The following SMG1 variants were observed in gnomAD, a reference collection of about 807,000 sequenced individuals.
SMG1 encodes the protein serine/threonine-protein kinase SMG1.
Under a neutral mutation model 419.9 loss-of-function variants are expected in SMG1, and 22 were observed. The ratio of observed to expected loss-of-function variants is 0.05; its 90% CI spans 0.04 to 0.07. The LOEUF (loss-of-function observed/expected upper bound fraction) is 0.07. SMG1 is among the 10% of genes least tolerant of loss of function. SMG1 has a pLI of 1.00. For synonymous variants in SMG1, 1,538 were observed against 1,553.5 expected, an observed-to-expected ratio of 0.99 and a Z score of 0.23; for missense variants, 3,185 against 4,342.0, an observed-to-expected ratio of 0.73 and a Z score of 7.49.
chr16:18,896,238 T>C (rs1247810189), intron 2 of SMG1, 31 bp from the exon 3 acceptor site: 4 of 1,238,764 alleles, frequency 3.2e-6, no homozygotes, highest in Admixed American at 1.7e-5. Flanking sequence ...GTTATTTAAA[T>C]ATGATTGTTC....
At position 18,816,513 on chromosome 16, in the gene SMG1, T is replaced by C; in HGVS notation, c.10091A>G (p.His3364Arg). The change falls in exon 58 of 63, where the codon CAT becomes CGT. Residue 3364 changes from histidine to arginine, a missense_variant. Physicochemically the swap from His to Arg is conservative, Grantham distance 29. This residue lies in a region of SMG1 where 737 missense variants were observed against 846.6 expected (regional missense o/e 0.87). Coordinates refer to ENST00000446231, the MANE Select transcript of SMG1 (RefSeq NM_015092.5). Reference sequence around the variant, plus strand: ...AAGCCATTCAGAGCTGCCAATAGGATGTTCAAGACCAGTGTCCTAAATAGA... The same window carrying C: ...AAGCCATTCAGAGCTGCCAATAGGACGTTCAAGACCAGTGTCCTAAATAGA... ...LLQRVDTGLEHPIGSSEWLLS... is the reference protein window; with the variant it reads ...LLQRVDTGLERPIGSSEWLLS... The C allele has an allele frequency of 2.5e-6, 4 of 1,613,952 alleles. No homozygotes were observed. The highest frequency in any genetic ancestry group is 3.4e-6 in the Non-Finnish European group (4 of 1,179,854).
intron 13 of SMG1, chr16:18,875,545 C>G (rs1385386941): frequency 6.6e-6 from 1 of 152,590 alleles, no homozygotes; most frequent in South Asian, 2.1e-4. Context: ...GAGCCAAGAT[C>G]GCGCCATGGC....
At chr16:18,848,789 A>G (rs572005791) in intron 36 of SMG1, among the ~76,000 whole-genome samples, 4 of 151,886 alleles carry the variant, frequency 2.6e-5, no homozygotes, top group Non-Finnish European at 4.4e-5. Flanking sequence ...TAAAAAACCT[A>G]CAGCCGGGCA....
In SMG1 at chr16:18,805,933, A is replaced by G. The variant is rs1256586318; in HGVS notation, c.*3636T>C. On this transcript the variant is annotated 3_prime_UTR_variant, in exon 63 of 63. Transcript: ENST00000446231. Reference sequence around the variant, plus strand: ...TAACAGGCTAATTGTAGGTGCTTTCATATGAAAATAATTGGGAGAAAAGAA... The same window carrying G: ...TAACAGGCTAATTGTAGGTGCTTTCGTATGAAAATAATTGGGAGAAAAGAA... 1.3e-5 allele frequency: 2 copies of G among 152,686 alleles called. No individual in the cohort carries two copies. Among genetic ancestry groups the G allele is most frequent in the African/African-American group, 4.8e-5 (2 of 41,468 alleles). The allele number at this position is 152,686 out of a possible 1,614,324, so 9.5% of individuals were successfully genotyped here. A position where few individuals can be genotyped will look rare whatever the true frequency, so the allele number is the denominator to read the frequency against.
chr16:18,849,777 A>G (rs1414971141), intron 35 of SMG1, among the ~76,000 whole-genome samples, 172 bp downstream of exon 35: 2 of 152,234 alleles, frequency 1.3e-5, no homozygotes, highest in Non-Finnish European at 2.9e-5. Context: ...TTTCTTGGAA[A>G]GGTGGGAGGA....
In SMG1 at chr16:18,870,687, T is replaced by G. The variant is rs375152775; in HGVS notation, c.2415A>C (p.Gln805His). Residue 805 changes from glutamine to histidine, a missense_variant, in exon 18 of 63, where the codon CAA becomes CAC. Physicochemically the swap from Gln to His is conservative, Grantham distance 24 (BLOSUM62 0). Coordinates refer to ENST00000446231, the MANE Select transcript of SMG1 (RefSeq NM_015092.5). The part of the protein sequence containing the change: ...LQRCVDVCRV[Q>H]LVHSGTRIRQ... ...GAATACGAGTTCCACTGTGCACTAGTTGAACACGGCAAACATCGACACATC... is the reference window on the plus strand; with the variant it reads ...GAATACGAGTTCCACTGTGCACTAGGTGAACACGGCAAACATCGACACATC... The G allele has an allele frequency of 2.5e-6, 4 of 1,608,986 alleles. No individual in the cohort carries two copies. The highest frequency in any genetic ancestry group is 3.4e-6 in the Non-Finnish European group (4 of 1,178,378).
intron 13 of SMG1, among the ~76,000 whole-genome samples, chr16:18,873,987 A>AT (rs1421792813): frequency 6.6e-6 from 1 of 152,258 alleles, no homozygotes; most frequent in Non-Finnish European, 1.5e-5. Flanking sequence ...GACTTCAAAC[A>AT]TAAGCTGTAA....
chr16:18,902,352 T>C (rs1168883939), intron 1 of SMG1, among the ~76,000 whole-genome samples: 2 of 152,072 alleles, frequency 1.3e-5, no homozygotes, highest in Admixed American at 6.6e-5. Context: ...ACTCTAACCA[T>C]GGGTATGAGA....
At chr16:18,893,926 G>A (rs567449935) in intron 3 of SMG1, among the ~76,000 whole-genome samples, 26 of 151,714 alleles carry the variant, frequency 1.7e-4, no homozygotes, top group Non-Finnish European at 2.4e-4. Flanking sequence ...GCGTGGTGGC[G>A]CGCTCCTGTA....
At chr16:18,907,518 CT>C (rs1197381631) in intron 1 of SMG1, among the ~76,000 whole-genome samples, 6 of 151,952 alleles carry the variant, frequency 3.9e-5, no homozygotes, top group Non-Finnish European at 8.8e-5. Flanking sequence ...GGCTCTCTGC[CT>C]TTATTTCTAA....
rs1366149922 is a variant in SMG1, at chr16:18,892,297, G to C, written c.470C>G (p.Thr157Ser). Residue 157 changes from threonine (T) to serine (S), a missense_variant, in exon 4 of 63, where the codon ACC (threonine) becomes AGC (serine). Thr to Ser is a moderately conservative substitution (Grantham distance 58). Around this residue, in one of 27 missense-constraint regions of SMG1, gnomAD observed 23 missense variants for 20.5 expected, o/e 1.12. Transcript: ENST00000446231. ...SRLSNLLRRI[T>S]REDDRDRRLA... ...TCTTCGGTCTCTGTCGTCTTCCCGG[G>C]TGATCCTCCGAAGAAGATTCGACAG... 6.5e-7 allele frequency: 1 copy of C among 1,550,234 alleles called. No homozygotes were observed. The highest frequency in any genetic ancestry group is 1.4e-5 in the African/African-American group (1 of 73,020).
rs554418850 is a variant in SMG1, at chr16:18,815,642, C to A, written c.10312G>T (p.Ala3438Ser). The A allele has an allele frequency of 6.2e-7, 1 of 1,613,424 alleles. No homozygotes were observed. The highest frequency in any genetic ancestry group is 2.2e-5 in the East Asian group (1 of 44,870). The part of the protein sequence containing the change: ...LLKAMAKDEE[A>S]ALADGEDVPY... ...ACATCTTCACCATCTGCCAGAGCAG[C>A]TTCTTCATCCTAGAATTGATAAATT... is the stretch of plus-strand genomic sequence containing the variant. The change falls in exon 59 of 63, where the codon GCT (alanine) becomes TCT (serine). Residue 3438 changes from alanine (A) to serine (S), a missense_variant. Coordinates refer to ENST00000446231, the MANE Select transcript of SMG1 (RefSeq NM_015092.5).
chr16:18,858,918 G>A (rs1045271495), intron 28 of SMG1, 104 bp downstream of exon 28: 2 of 824,618 alleles, frequency 2.4e-6, no homozygotes, highest in African/African-American at 3.6e-5. Context: ...CTACTAGCTT[G>A]CCCAGCTACA....
At chr16:18,900,750 C>T (rs1346512629) in intron 1 of SMG1, among the ~76,000 whole-genome samples, 1 of 152,142 alleles carries the variant, frequency 6.6e-6, no homozygotes, top group Non-Finnish European at 1.5e-5. Context: ...TACTTATTCT[C>T]TAAAGTAGCA....
Position 18,849,274 on chromosome 16 carries a change from T to C in SMG1, c.5566A>G (p.Ile1856Val). 6.2e-7 allele frequency: 1 copy of C among 1,613,688 alleles called. No individual in the cohort carries two copies. Residue 1856 changes from isoleucine (I) to valine (V), a missense_variant, in exon 36 of 63, where the codon ATA (isoleucine) becomes GTA (valine). Physicochemically the swap from Ile to Val is conservative, Grantham distance 29. Transcript: ENST00000446231. Reference sequence around the variant, plus strand: ...GTACCCACTATTGCAGGATACAATATGAGATGTGGGGAATCTTGAGCCACA... The same window carrying C: ...GTACCCACTATTGCAGGATACAATACGAGATGTGGGGAATCTTGAGCCACA... ...CRVAQDSPHL[I>V]LYPAIVGTIS... is the part of the protein sequence containing the mutation.
intron 60 of SMG1, among the ~76,000 whole-genome samples, chr16:18,812,730 T>C (rs2031581960): frequency 6.6e-6 from 1 of 152,124 alleles, no homozygotes. Context: ...TGCAGGTTTG[T>C]TGCATATGTA....
At chr16:18,848,153 T>G in intron 36 of SMG1, 120 bp from the exon 37 acceptor site, 4 of 796,296 alleles carry the variant, frequency 5.0e-6, no homozygotes, top group Non-Finnish European at 8.1e-6. Flanking sequence ...TCATTTGCCT[T>G]CCAGGCATAG....
intron 29 of SMG1, chr16:18,857,426 AAAAT>A (rs2034974161): frequency 6.6e-6 from 1 of 152,248 alleles, no homozygotes; most frequent in East Asian, 1.9e-4. Context: ...TCAGAACACA[AAAAT>A]AAGTCTTATG....
In SMG1 at chr16:18,832,970, T is replaced by C. The variant is rs1206917472; in HGVS notation, c.8762A>G (p.Glu2921Gly). 2 of 1,613,988 alleles carry C rather than the reference T, an allele frequency of 1.2e-6. No homozygotes were observed. Among genetic ancestry groups the C allele is most frequent in the Non-Finnish European group, 1.7e-6 (2 of 1,179,892 alleles). The change falls in exon 51 of 63, where the codon GAA (glutamate) becomes GGA (glycine). Residue 2921 changes from glutamate (E) to glycine (G), a missense_variant. Physicochemically the swap from Glu to Gly is moderately conservative, Grantham distance 98 (BLOSUM62 -2). Around this residue, in one of 27 missense-constraint regions of SMG1, gnomAD observed 737 missense variants for 846.6 expected, o/e 0.87. Transcript: ENST00000446231. The part of the protein sequence containing the change: ...LRNAAMGLEE[E>G]THAHYIDVAR... ...AACATCGATGTAATGAGCATGTGTT[T>C]CTTCTTCCAGTCCCATAGCTGCGTT...
Sources: allele counts gnomAD v4.1 joint callset (sites outside exome capture counted in the v4.1 genomes callset), GRCh38; gene constraint gnomAD v4.1.1; regional missense constraint gnomAD v4.1.1; transcripts MANE v1.5; gene names NCBI Gene and HGNC (gene_info 2026-07-23, HGNC 2026-07-21).